CIITA: variants seen among roughly 807,000 people sequenced by gnomAD.
CIITA encodes class II major histocompatibility complex transactivator, also known as MHC class II transactivator.
A neutral mutation model predicts 115.1 loss-of-function variants in CIITA; 72 were observed. That is an observed-to-expected ratio of 0.63 (90% confidence interval 0.52 to 0.76). The LOEUF is 0.76. Ranked by LOEUF, CIITA falls within the 30% of genes least tolerant of loss-of-function variation. CIITA has a pLI of 0.00. For missense variants in CIITA, 1,617 were observed against 1,463.8 expected (o/e 1.10, Z -1.71); for synonymous variants, 763 against 635.6 (o/e 1.20, Z -3.02).
chr16:10,915,081 C>T (rs1009075553), intron 13 of CIITA: 1 of 454,790 alleles, frequency 2.2e-6, no homozygotes, highest in Non-Finnish European at 4.4e-6. Context: ...GAGACAGGGT[C>T]TCGCTCTTAC....
intron 1 of CIITA, chr16:10,866,519 G>A: frequency 1.8e-6 from 1 of 555,104 alleles, no homozygotes; most frequent in Non-Finnish European, 3.5e-6. Context: ...TGGGCCCGGA[G>A]TGGGCTGCAG....
At chr16:10,872,454 C>A (rs1053857901), upstream of CIITA, among the ~76,000 whole-genome samples, 1 of 152,218 alleles carries the variant, frequency 6.6e-6, no homozygotes, top group African/African-American at 2.4e-5. Context: ...TAATCTACTT[C>A]TCAATTTATC....
chr16:10,907,009 C>G lies in CIITA; in HGVS notation c.1517C>G (p.Ala506Gly). ...LILDGFEELE[A>G]QDGFLHSTCG... is the part of the protein sequence containing the mutation. ...CTAGACGGCTTCGAGGAGCTGGAAG[C>G]GCAAGATGGCTTCCTGCACAGCACG... is the stretch of plus-strand genomic sequence containing the variant. Residue 506 changes from alanine (A) to glycine (G), a missense_variant, in exon 11 of 20, where the codon GCG becomes GGG. Transcript: ENST00000324288. This position sits in a 1 kb window ranked among gnomAD's most constrained non-coding sequence, Gnocchi z 5.0. 2 of 1,609,576 alleles carry G rather than the reference C, an allele frequency of 1.2e-6. No individual in the cohort carries two copies. The highest frequency in any genetic ancestry group is 1.7e-6 in the Non-Finnish European group (2 of 1,179,842).
chr16:10,879,556 GCCAAACCTTTAA>G lies in CIITA; in HGVS notation c.52+2178_52+2189del, dbSNP rs2143566028. ...GCCCTGCTCAGGGAGGCAGTAGGGA[GCCAAACCTTTAA>G]CCAGAGGATGGGATAAGTCCTCAAC... On this transcript the variant is annotated intron_variant, in intron 1 of 19. Coordinates refer to ENST00000324288, the MANE Select transcript of CIITA (RefSeq NM_000246.4). This position sits in a 1 kb window ranked among gnomAD's most constrained non-coding sequence, Gnocchi z 4.3. Among the ~76,000 whole-genome samples the G allele has an allele frequency of 6.6e-6, 1 of 151,372 alleles. No homozygotes were observed. The highest frequency in any genetic ancestry group is 1.5e-5 in the Non-Finnish European group (1 of 67,846).
intron 1 of CIITA, among the ~76,000 whole-genome samples, chr16:10,871,878 C>T (rs1431465389): frequency 6.6e-6 from 1 of 152,204 alleles, no homozygotes; most frequent in Non-Finnish European, 1.5e-5. Flanking sequence ...CTGGCATTTC[C>T]CCATGGGTTT....
Position 10,935,508 on chromosome 16 carries a change from T to G in CIITA, c.*11653T>G, listed in dbSNP as rs962215423. 8 of 152,240 alleles carry G rather than the reference T, an allele frequency of 5.3e-5. No homozygotes were observed. Among genetic ancestry groups the G allele is most frequent in the African/African-American group, 1.9e-4 (8 of 41,466 alleles). The allele number at this position is 152,240 out of a possible 1,614,324, so 9.4% of individuals were successfully genotyped here. ...ATGATTTTCTCTTTAGTGACAGACA[T>G]TTTTTAAAAAATAAATTCACATAAA... On this transcript the variant is annotated 3_prime_UTR_variant, in exon 20 of 20. Transcript: ENST00000324288.
At chr16:10,902,945 C>A in intron 8 of CIITA, 144 bp downstream of exon 8, 3 of 1,026,656 alleles carry the variant, frequency 2.9e-6, no homozygotes, top group Non-Finnish European at 2.9e-6. Context: ...CTTTCTCTGT[C>A]CCTATTTCCC....
chr16:10,916,935 T>C (rs1050032094), intron 15 of CIITA: 8 of 274,148 alleles, frequency 2.9e-5, no homozygotes, highest in African/African-American at 1.5e-4. Context: ...ATAAATCCCC[T>C]GACCTCAGGA....
At chr16:10,916,565 T>C in intron 15 of CIITA, 106 bp downstream of exon 15, 3 of 945,068 alleles carry the variant, frequency 3.2e-6, no homozygotes, top group Non-Finnish European at 5.0e-6. Context: ...GCTCGCTGTG[T>C]CACCCAGGCT....
At position 10,901,646 on chromosome 16, in the gene CIITA, G is replaced by A. The variant is rs2038767159; in HGVS notation, c.481+88G>A. The A allele has an allele frequency of 5.1e-6, 7 of 1,379,970 alleles. No homozygotes were observed. Among genetic ancestry groups the A allele is most frequent in the Admixed American group, 1.9e-5 (1 of 52,946 alleles). 85.5% of individuals were successfully genotyped at this position (1,379,970 alleles called of 1,614,324 possible). On this transcript the variant is annotated intron_variant, in intron 6 of 19. Transcript: ENST00000324288. This position sits in a 1 kb window ranked among gnomAD's most constrained non-coding sequence, Gnocchi z 6.8. ...ATTGAACTCCTGGCCCAAGTCTGAT[G>A]GGGATGGTGCATGGTGCAGCCCCTG...
At position 10,879,549 on chromosome 16, in the gene CIITA, G is replaced by A. The variant is rs2143565386; in HGVS notation, c.52+2167G>A. 6.6e-6 allele frequency among the ~76,000 whole-genome samples: 1 copy of A among 151,944 alleles called. No individual in the cohort carries two copies. Among genetic ancestry groups the A allele is most frequent in the Admixed American group, 6.5e-5 (1 of 15,272 alleles). On this transcript the variant is annotated intron_variant, in intron 1 of 19. Transcript: ENST00000324288. The surrounding 1 kb of genome is among the most constrained non-coding windows in gnomAD (Gnocchi z 4.3). ...GCGGGGGGCCCTGCTCAGGGAGGCA[G>A]TAGGGAGCCAAACCTTTAACCAGAG...
chr16:10,916,546 T>C, intron 15 of CIITA, 87 bp downstream of exon 15: 1 of 1,155,652 alleles, frequency 8.7e-7, no homozygotes, highest in Non-Finnish European at 1.3e-6. Flanking sequence ...TTTGTTTTTT[T>C]AGACAAGGGC....
At chr16:10,914,430 T>C (rs2039810014) in intron 13 of CIITA, among the ~76,000 whole-genome samples, 1 of 152,212 alleles carries the variant, frequency 6.6e-6, no homozygotes, top group Non-Finnish European at 1.5e-5. Context: ...GTTACTGTTT[T>C]TTAATGTTTA....
chr16:10,916,368 C>T lies in CIITA; in HGVS notation c.2971C>T (p.Leu991=), dbSNP rs755817502. ...TAFSSLQHLD[L]DALSENKIGD... is the part of the protein sequence containing the mutation. ...GCCCCCATCTGATTCCACCTGCAGC[C>T]TGGATGCGCTGAGTGAGAACAAGAT... The change falls in exon 15 of 20, where the codon CTG becomes TTG. Residue 991 remains leucine, a splice_region_variant and synonymous_variant. Transcript: ENST00000324288. 2 of 1,613,772 alleles carry T rather than the reference C, an allele frequency of 1.2e-6. No individual in the cohort carries two copies. The highest frequency in any genetic ancestry group is 3.3e-5 in the Admixed American group (2 of 59,982).
chr16:10,941,564 CT>C lies in CIITA; in HGVS notation n.692del. On this transcript the variant is annotated non_coding_transcript_exon_variant, in exon 2 of 2. Coordinates refer to the CIITA transcript ENST00000573379. The surrounding 1 kb of genome is among the most constrained non-coding windows in gnomAD (Gnocchi z 6.4). ...GCCCTCATCCTGTTCAGAGAGGGCA[CT>C]TACAGGCCTCGGAGGCAGGGGAGGG... 6.9e-7 allele frequency: 1 copy of C among 1,449,184 alleles called. No homozygotes were observed. 89.8% of individuals were successfully genotyped at this position (1,449,184 alleles called of 1,614,324 possible).
At chr16:10,922,079 C>G in intron 16 of CIITA, 88 bp from the exon 17 acceptor site, 1 of 1,199,614 alleles carries the variant, frequency 8.3e-7, no homozygotes, top group Non-Finnish European at 1.2e-6. Context: ...TGGGACCAGG[C>G]TTTTTCTGGA....
chr16:10,910,904 GA>G (rs1437522096), intron 13 of CIITA, among the ~76,000 whole-genome samples: 1 of 152,234 alleles, frequency 6.6e-6, no homozygotes, highest in African/African-American at 2.4e-5. Flanking sequence ...CAGCTAGGAT[GA>G]AAAAGCAACC....
rs2040881455 is a variant in CIITA, at chr16:10,933,371, T to A, written c.*9516T>A. 6.6e-6 allele frequency: 1 copy of A among 152,328 alleles called. No individual in the cohort carries two copies. Among genetic ancestry groups the A allele is most frequent in the Non-Finnish European group, 1.5e-5 (1 of 68,112 alleles). 9.4% of individuals were successfully genotyped at this position (152,328 alleles called of 1,614,324 possible). On this transcript the variant is annotated 3_prime_UTR_variant, in exon 20 of 20. Coordinates refer to ENST00000324288, the MANE Select transcript of CIITA (RefSeq NM_000246.4). ...TTACGCGCACTGGTGGGTGAGGCTC[T>A]GAAAGTGGTAGAAGGGAATTCTTTC... is the stretch of plus-strand genomic sequence containing the variant.
chr16:10,869,821 T>C (rs574125485), intron 1 of CIITA, among the ~76,000 whole-genome samples: 1 of 152,282 alleles, frequency 6.6e-6, no homozygotes, highest in African/African-American at 2.4e-5. Context: ...CCACCTTCTG[T>C]ATATCTTACT....
Sources: allele counts gnomAD v4.1 joint callset (sites outside exome capture counted in the v4.1 genomes callset), GRCh38; gene constraint gnomAD v4.1.1; non-coding constraint Gnocchi (gnomAD v3.1); transcripts MANE v1.5; gene names NCBI Gene and HGNC (gene_info 2026-07-23, HGNC 2026-07-21).